TENM2: variants seen among roughly 807,000 people sequenced by gnomAD.
TENM2 encodes teneurin-2.
TENM2 carries 52 observed loss-of-function variants against 245.2 expected under a neutral mutation model. That is an observed-to-expected ratio of 0.21 (90% CI 0.17 to 0.27). The LOEUF (loss-of-function observed/expected upper bound fraction) is 0.27. Among genes scored for constraint, TENM2 ranks in the 10% least tolerant of loss-of-function variants. The pLI, the probability that TENM2 is intolerant of heterozygous loss-of-function variation, is 1.00. For synonymous variants in TENM2, 1,363 were observed against 1,438.9 expected, an observed-to-expected ratio of 0.95 and a Z score of 1.19; for missense variants, 3,046 against 3,666.8, an observed-to-expected ratio of 0.83 and a Z score of 4.37.
intron 2 of TENM2, among the ~76,000 whole-genome samples, chr5:167,769,049 A>C (rs1021490423): frequency 6.6e-6 from 1 of 152,208 alleles, no homozygotes; most frequent in South Asian, 2.1e-4. Flanking sequence ...GTTGAAAACT[A>C]TGGAATCTCC....
the TENM2 span, among the ~76,000 whole-genome samples, chr5:167,149,479 G>A: frequency 6.6e-6 from 1 of 152,124 alleles, no homozygotes; most frequent in Non-Finnish European, 1.5e-5. Context: ...GATACACAGA[G>A]TATAGACCGG....
At chr5:167,679,919 C>T (rs1019626995) in intron 2 of TENM2, among the ~76,000 whole-genome samples, 1 of 152,108 alleles carries the variant, frequency 6.6e-6, no homozygotes, top group African/African-American at 2.4e-5. Context: ...TAAGTCAGCT[C>T]TTTTCATTGG....
chr5:167,517,847 G>C (rs140918048), intron 2 of TENM2, among the ~76,000 whole-genome samples: 153 of 151,244 alleles, frequency 1.0e-3, no homozygotes, highest in African/African-American at 3.6e-3. Context: ...CTGGTGATGA[G>C]GGGGGTTGAT....
Position 168,128,032 on chromosome 5 carries a change from T to A in TENM2, c.2422+1066T>A, listed in dbSNP as rs566921245. Among the ~76,000 whole-genome samples, 18 of 152,342 alleles carry A rather than the reference T, an allele frequency of 1.2e-4. No homozygotes were observed. The South Asian group carries it at 3.7e-3, about 32-fold the overall frequency. On this transcript the variant is annotated intron_variant, in intron 12 of 28. Coordinates refer to ENST00000518659, the Ensembl canonical transcript of TENM2. ...GCTGATTCATGAGATCAGACTCAAT[T>A]TCCCATGCTGTTCATTTGGGTGGTT...
intron 2 of TENM2, among the ~76,000 whole-genome samples, chr5:167,602,632 A>T (rs1385057266): frequency 6.6e-6 from 1 of 152,120 alleles, no homozygotes; most frequent in Non-Finnish European, 1.5e-5. Flanking sequence ...ATGCATTTAA[A>T]CTCACATAAA....
chr5:167,723,160 T>C (rs2337015), intron 2 of TENM2, among the ~76,000 whole-genome samples: 36,104 of 152,122 alleles, frequency 0.24, 4,753 homozygotes, highest in African/African-American at 0.35. Flanking sequence ...GGTCCCACTG[T>C]TGGCTAAGGA....
intron 2 of TENM2, among the ~76,000 whole-genome samples, chr5:167,546,029 T>C (rs556888888): frequency 6.6e-6 from 1 of 152,224 alleles, no homozygotes; most frequent in African/African-American, 2.4e-5. Context: ...GCTCATTCAA[T>C]GTTCAGAACA....
intron 2 of TENM2, among the ~76,000 whole-genome samples, chr5:167,379,351 G>A (rs1760956496): frequency 6.6e-6 from 1 of 152,130 alleles, no homozygotes; most frequent in Admixed American, 6.6e-5. Context: ...TGTTAACTGA[G>A]ACATGAGGAA....
chr5:167,763,101 C>T (rs770142737), intron 2 of TENM2, among the ~76,000 whole-genome samples: 13 of 152,190 alleles, frequency 8.5e-5, no homozygotes, highest in Non-Finnish European at 1.8e-4. Context: ...TAAATATTGG[C>T]ACTCAAAGTC....
At chr5:167,954,642 G>A (rs1371823967) in intron 4 of TENM2, among the ~76,000 whole-genome samples, 1 of 152,132 alleles carries the variant, frequency 6.6e-6, no homozygotes, top group Non-Finnish European at 1.5e-5. Context: ...ACAGGCCCCA[G>A]TGTGTGATGT....
chr5:168,232,767 C>T (rs561325971), intron 25 of TENM2, among the ~76,000 whole-genome samples: 61 of 152,354 alleles, frequency 4.0e-4, no homozygotes, highest in African/African-American at 1.4e-3. Flanking sequence ...CAGACGGAGG[C>T]ATCTCTTAGT....
chr5:167,253,303 G>C, the TENM2 span, among the ~76,000 whole-genome samples: 1 of 140,320 alleles, frequency 7.1e-6, no homozygotes, highest in Non-Finnish European at 1.5e-5. Context: ...TCTTCATGTT[G>C]CTGAAGCTGG....
chr5:168,160,578 A>G (rs1211189941), intron 12 of TENM2, among the ~76,000 whole-genome samples: 2 of 152,188 alleles, frequency 1.3e-5, no homozygotes, highest in Non-Finnish European at 2.9e-5. Context: ...CTTCTGTTGC[A>G]TGCACTCCTT....
intron 5 of TENM2, among the ~76,000 whole-genome samples, chr5:168,038,321 C>T (rs986793180): frequency 2.0e-5 from 3 of 152,246 alleles, no homozygotes; most frequent in African/African-American, 7.2e-5. Context: ...TTCTTGAGTG[C>T]CTCCTGTGTG....
At chr5:166,993,800 C>T in the TENM2 span, among the ~76,000 whole-genome samples, 2 of 151,984 alleles carry the variant, frequency 1.3e-5, no homozygotes, top group South Asian at 4.2e-4. Context: ...GACACAATTT[C>T]GGGAGGATAT....
intron 26 of TENM2, among the ~76,000 whole-genome samples, chr5:168,245,790 T>C (rs146296077): frequency 2.0e-5 from 3 of 152,248 alleles, no homozygotes; most frequent in African/African-American, 7.2e-5. Context: ...GTCCCCTTGG[T>C]CCTTCCTGAA....
the TENM2 span, among the ~76,000 whole-genome samples, chr5:167,013,631 CA>C: frequency 6.6e-6 from 1 of 152,062 alleles, no homozygotes; most frequent in African/African-American, 2.4e-5. Flanking sequence ...TGCTTGAACC[CA>C]GAGAGGGGAG....
At chr5:167,028,202 G>A in the TENM2 span, among the ~76,000 whole-genome samples, 406 of 151,728 alleles carry the variant, frequency 2.7e-3, no homozygotes, top group Non-Finnish European at 3.7e-3. Context: ...ATTTTTTATG[G>A]TGGCCCAAGA....
intron 2 of TENM2, among the ~76,000 whole-genome samples, chr5:167,517,422 G>A (rs561898944): frequency 6.6e-6 from 1 of 152,272 alleles, no homozygotes; most frequent in East Asian, 1.9e-4. Context: ...TACTTCAAGG[G>A]AGGGATAGGG....
Sources: gnomAD v4.1 joint callset for allele counts (sites outside exome capture counted in the v4.1 genomes callset) on GRCh38, gnomAD v4.1.1 for gene constraint, MANE v1.5 for transcripts, NCBI Gene and HGNC (gene_info 2026-07-23, HGNC 2026-07-21) for gene names.